CRPPA: variants seen among roughly 807,000 people sequenced by gnomAD.
CRPPA encodes CDP-L-ribitol pyrophosphorylase A, also known as D-ribitol-5-phosphate cytidylyltransferase.
A neutral mutation model predicts 52.0 loss-of-function variants in CRPPA; 43 were observed. The observed-to-expected ratio is 0.83, with a 90% CI of 0.65 to 1.07. The LOEUF (loss-of-function observed/expected upper bound fraction) is 1.07. Among genes scored for constraint, CRPPA ranks in the 50% least tolerant of loss-of-function variants. The pLI is 0.00. For missense variants in CRPPA, 629 were observed against 551.7 expected (o/e 1.14, Z -1.40); for synonymous variants, 250 against 203.5 (o/e 1.23, Z -1.94).
At chr7:16,263,634 T>C (rs1783872347) in intron 6 of CRPPA, among the ~76,000 whole-genome samples, 2 of 152,048 alleles carry the variant, frequency 1.3e-5, no homozygotes, top group Admixed American at 1.3e-4. Flanking sequence ...ACACCTGTAA[T>C]CCCAGCTACT....
intron 6 of CRPPA, chr7:16,269,593 A>G (rs1236440043): frequency 6.6e-6 from 1 of 152,184 alleles, no homozygotes; most frequent in Non-Finnish European, 1.5e-5. Flanking sequence ...AGAGAAAGGT[A>G]AACTTTTTTT....
At position 16,123,078 on chromosome 7, in the gene CRPPA, G is replaced by C. The variant is rs953248133; in HGVS notation, c.1252-31279C>G. 3.3e-5 allele frequency among the ~76,000 whole-genome samples: 5 copies of C among 151,970 alleles called. No homozygotes were observed. The South Asian group carries it at 1.0e-3, about 32-fold the overall frequency. ...GGTATGAGGTTATAGGGGCACAAAA[G>C]CCGATGCAAAGAACTTTTAATATCT... On this transcript the variant is annotated intron_variant, in intron 9 of 9. Coordinates refer to ENST00000407010, the MANE Select transcript of CRPPA (RefSeq NM_001101426.4).
chr7:16,220,966 A>T (rs1177862163), intron 8 of CRPPA, among the ~76,000 whole-genome samples: 1 of 152,078 alleles, frequency 6.6e-6, no homozygotes, highest in African/African-American at 2.4e-5. Context: ...TATGGAACCA[A>T]AAAAGAGCCC....
intron 9 of CRPPA, among the ~76,000 whole-genome samples, chr7:16,136,893 G>A (rs1325311119): frequency 2.7e-5 from 4 of 149,660 alleles, no homozygotes; most frequent in African/African-American, 9.7e-5. Context: ...CCCTATATCT[G>A]ATAGCTTTGA....
At chr7:16,269,091 G>A (rs1372942219) in intron 6 of CRPPA, 1 of 152,166 alleles carries the variant, frequency 6.6e-6, no homozygotes, top group East Asian at 1.9e-4. Context: ...TTTGGCTGTT[G>A]GCCCGGTAGA....
chr7:16,261,741 TC>T (rs1333280666), intron 6 of CRPPA, among the ~76,000 whole-genome samples: 1 of 152,130 alleles, frequency 6.6e-6, no homozygotes, highest in Non-Finnish European at 1.5e-5. Flanking sequence ...TTACATGTTT[TC>T]CTTCTGCTTC....
chr7:16,163,965 T>C (rs1181805259), intron 9 of CRPPA, among the ~76,000 whole-genome samples: 1 of 152,190 alleles, frequency 6.6e-6, no homozygotes, highest in East Asian at 1.9e-4. Context: ...ATTTCAACCT[T>C]GATGAATCTG....
intron 9 of CRPPA, among the ~76,000 whole-genome samples, chr7:16,125,645 T>C (rs1782564264): frequency 6.6e-6 from 1 of 152,072 alleles, no homozygotes; most frequent in African/African-American, 2.4e-5. Context: ...GTGTCACAAA[T>C]CCTAAGTATA....
chr7:16,126,874 C>T (rs1395372061), intron 9 of CRPPA, among the ~76,000 whole-genome samples: 9 of 151,966 alleles, frequency 5.9e-5, no homozygotes, highest in African/African-American at 1.9e-4. Context: ...AAATGAGCAA[C>T]AAAAGGCAAA....
At chr7:16,262,667 A>G (rs893674855) in intron 6 of CRPPA, among the ~76,000 whole-genome samples, 11 of 152,180 alleles carry the variant, frequency 7.2e-5, no homozygotes, top group African/African-American at 2.4e-4. Context: ...TCTCTATGAG[A>G]TGCCACAGAA....
chr7:16,269,060 C>T (rs1445958604), intron 6 of CRPPA: 1 of 152,130 alleles, frequency 6.6e-6, no homozygotes, highest in Non-Finnish European at 1.5e-5. Context: ...CAGAGGCGAC[C>T]TCTTTATCTC....
intron 9 of CRPPA, among the ~76,000 whole-genome samples, chr7:16,120,580 T>G (rs1267138538): frequency 6.6e-6 from 1 of 152,154 alleles, no homozygotes; most frequent in Non-Finnish European, 1.5e-5. Flanking sequence ...ATCATTGTTC[T>G]CCAAATCTTT....
At chr7:16,378,498 T>C (rs1439496624) in intron 2 of CRPPA, among the ~76,000 whole-genome samples, 1 of 151,860 alleles carries the variant, frequency 6.6e-6, no homozygotes, top group Non-Finnish European at 1.5e-5. Context: ...ATTTTCTTAA[T>C]CCAGTCTATC....
rs565502710 is a variant in CRPPA at position 16,216,599 on chromosome 7, G to C, written c.1120-402C>G. ...GTGGGTGCGCGCACCGTGCGTGAGC[G>C]GAAGCAGGGCAAGGCATTGCCTCAC... On this transcript the variant is annotated intron_variant, in intron 8 of 9. Coordinates refer to ENST00000407010, the MANE Select transcript of CRPPA (RefSeq NM_001101426.4). The C allele has an allele frequency of 3.0e-4, 49 of 164,178 alleles. No homozygotes were observed. In the East Asian group the frequency reaches 5.0e-3, roughly 17 times the overall value. 10.2% of individuals were successfully genotyped at this position (164,178 alleles called of 1,614,324 possible).
intron 9 of CRPPA, among the ~76,000 whole-genome samples, chr7:16,167,820 T>A (rs1292018669): frequency 6.6e-6 from 1 of 152,236 alleles, no homozygotes; most frequent in Non-Finnish European, 1.5e-5. Flanking sequence ...ATCAATCTAT[T>A]CTTAACGAAG....
intron 3 of CRPPA, among the ~76,000 whole-genome samples, chr7:16,311,505 C>G (rs1785033760): frequency 6.6e-6 from 1 of 152,046 alleles, no homozygotes; most frequent in South Asian, 2.1e-4. Flanking sequence ...GACTTTATAG[C>G]TAATTTCTTT....
At chr7:16,167,206 G>A (rs11762048) in intron 9 of CRPPA, among the ~76,000 whole-genome samples, 48,671 of 152,028 alleles carry the variant, frequency 0.32, 9,317 homozygotes, top group South Asian at 0.54. Context: ...GATTACAGGC[G>A]TGAGCCACCG....
intron 8 of CRPPA, among the ~76,000 whole-genome samples, chr7:16,218,019 A>T (rs911009725): frequency 9.2e-5 from 14 of 151,490 alleles, no homozygotes; most frequent in Non-Finnish European, 1.6e-4. Context: ...ATGAAGGAAA[A>T]AATGTTAAGG....
intron 9 of CRPPA, among the ~76,000 whole-genome samples, chr7:16,099,192 G>A (rs893508765): frequency 6.6e-5 from 10 of 151,440 alleles, no homozygotes; most frequent in South Asian, 2.1e-4. Flanking sequence ...GTTCAAGGCC[G>A]CAGTGAGCAA....
Sources: allele counts gnomAD v4.1 joint callset (sites outside exome capture counted in the v4.1 genomes callset), GRCh38; gene constraint gnomAD v4.1.1; transcripts MANE v1.5; gene names NCBI Gene and HGNC (gene_info 2026-07-23, HGNC 2026-07-21).